The following ERC1 variants were observed in gnomAD, a reference collection of about 807,000 sequenced individuals.
ERC1 encodes RAB6 interacting protein 2.
In ERC1, 56 loss-of-function variants were observed where a neutral mutation model predicts 132.0. The ratio of observed to expected loss-of-function variants is 0.42; its 90% CI spans 0.34 to 0.53. The LOEUF (loss-of-function observed/expected upper bound fraction) is 0.53, where lower values mean the gene tolerates loss of function less well. Ranked by LOEUF, ERC1 falls within the 20% of genes least tolerant of loss-of-function variation. The pLI is 0.03. For synonymous variants in ERC1, 478 were observed against 476.1 expected (o/e 1.00, Z -0.05); for missense variants, 1,202 against 1,349.9 (o/e 0.89, Z 1.72).
Position 1,110,307 on chromosome 12 carries a change from T to A in ERC1, c.1277T>A (p.Met426Lys). 6.2e-7 allele frequency: 1 copy of A among 1,613,406 alleles called. No homozygotes were observed. The highest frequency in any genetic ancestry group is 8.5e-7 in the Non-Finnish European group (1 of 1,179,646). ...GAAAGGGAAGAAGAAATGAAGCAAA[T>A]GGAAGTGTATCGGAGCCATTCTAAA... ...TEEREEEMKQ[M>K]EVYRSHSKFM... Residue 426 changes from methionine to lysine, a missense_variant, in exon 5 of 19, where the codon ATG becomes AAG. Met to Lys is a moderately conservative substitution (Grantham distance 95, BLOSUM62 -1). Transcript: ENST00000360905.
rs150449411 is a variant in ERC1, at chr12:1,493,314, A to C, written c.*3084A>C. The C allele has an allele frequency of 6.2e-3, 1,124 of 180,340 alleles. 8 individuals carry two copies. The highest frequency in any genetic ancestry group is 0.025 in the African/African-American group (1,056 of 42,458). The allele number at this position is 180,340 out of a possible 1,614,324, so 11.2% of individuals were successfully genotyped here. A position where few individuals can be genotyped will look rare whatever the true frequency, so the allele number is the denominator to read the frequency against. ...TCCCAGAACTCTGGAAGGCTGAGGC[A>C]GGCGGATCACCTGAGATCAGGAGTT... On this transcript the variant is annotated 3_prime_UTR_variant, in exon 19 of 19. Coordinates refer to ENST00000360905, the MANE Select transcript of ERC1 (RefSeq NM_178040.4).
Position 1,193,524 on chromosome 12 carries a change from T to G in ERC1, c.2351+3472T>G, listed in dbSNP as rs746141886. ...CACAAGCATACATATATTATGAGAT[T>G]TATACGTATATTTATATATATTAAT... On this transcript the variant is annotated intron_variant, in intron 12 of 18. Coordinates refer to ENST00000360905, the MANE Select transcript of ERC1 (RefSeq NM_178040.4). 4.3e-4 allele frequency among the ~76,000 whole-genome samples: 66 copies of G among 151,876 alleles called. 1 individual carries two copies. The highest frequency in any genetic ancestry group is 9.0e-4 in the Non-Finnish European group (61 of 67,952).
At chr12:1,392,495 T>C (rs759262122) in intron 16 of ERC1, among the ~76,000 whole-genome samples, 1 of 152,220 alleles carries the variant, frequency 6.6e-6, no homozygotes, top group Non-Finnish European at 1.5e-5. Flanking sequence ...CCTCATCCCT[T>C]AGCCCAAGTC....
chr12:1,208,947 C>T (rs755338026), intron 12 of ERC1, among the ~76,000 whole-genome samples: 10 of 145,580 alleles, frequency 6.9e-5, no homozygotes, highest in Non-Finnish European at 1.3e-4. Flanking sequence ...CTTGCCACCA[C>T]GCCCAGCTGA....
At chr12:1,366,738 GC>G (rs2086696474) in intron 15 of ERC1, among the ~76,000 whole-genome samples, 1 of 152,166 alleles carries the variant, frequency 6.6e-6, no homozygotes, top group Non-Finnish European at 1.5e-5. Context: ...GGAGTGACGT[GC>G]ACAGACAAAA....
intron 15 of ERC1, among the ~76,000 whole-genome samples, chr12:1,319,554 TAAAC>T (rs889094418): frequency 6.6e-5 from 10 of 152,226 alleles, no homozygotes; most frequent in Admixed American, 1.3e-4. Context: ...TTCAAGTAAA[TAAAC>T]AACCATTATC....
intron 6 of ERC1, chr12:1,115,653 A>G: frequency 2.2e-6 from 1 of 457,664 alleles, no homozygotes; most frequent in South Asian, 4.1e-5. Context: ...TGAAAACTGG[A>G]CATTTCCCTA....
intron 11 of ERC1, among the ~76,000 whole-genome samples, chr12:1,188,552 T>C (rs1955370310): frequency 1.3e-5 from 2 of 152,218 alleles, no homozygotes; most frequent in South Asian, 4.1e-4. Context: ...TTTTGTTTCT[T>C]AAAATATACT....
chr12:1,298,855 A>G (rs1201600959), intron 15 of ERC1, among the ~76,000 whole-genome samples: 1 of 152,020 alleles, frequency 6.6e-6, no homozygotes, highest in East Asian at 1.9e-4. Context: ...GGAAAAAGGT[A>G]CTTCTTGGAA....
At chr12:1,243,293 C>T (rs1031823852) in intron 13 of ERC1, among the ~76,000 whole-genome samples, 3 of 151,602 alleles carry the variant, frequency 2.0e-5, no homozygotes, top group African/African-American at 7.3e-5. Flanking sequence ...CATTTTATAT[C>T]AGGGACTTGC....
Position 1,136,725 on chromosome 12 carries a change from G to A in ERC1, c.1570-4895G>A, listed in dbSNP as rs139677698. Among the ~76,000 whole-genome samples, 1,043 of 152,142 alleles carry A rather than the reference G, an allele frequency of 6.9e-3. 4 individuals are homozygous for A. The highest frequency in any genetic ancestry group is 0.011 in the Non-Finnish European group (719 of 67,998). On this transcript the variant is annotated intron_variant, in intron 7 of 18. Coordinates refer to ENST00000360905, the MANE Select transcript of ERC1 (RefSeq NM_178040.4). ...TCTTGTCCTTCTTCTGTTACTTTAT[G>A]CCAAGCAATACCAAATGAATTTACA...
chr12:1,263,296 T>A, intron 14 of ERC1, 131 bp downstream of exon 14: 9 of 685,860 alleles, frequency 1.3e-5, no homozygotes, highest in Non-Finnish European at 2.1e-5. Flanking sequence ...AGAGGAGAAG[T>A]CCCAAGGAGT....
At chr12:1,242,563 A>G (rs949760849) in intron 13 of ERC1, among the ~76,000 whole-genome samples, 18 of 152,212 alleles carry the variant, frequency 1.2e-4, no homozygotes, top group African/African-American at 4.3e-4. Context: ...TATTGTATTC[A>G]CCTATAAAAT....
chr12:1,148,857 C>T (rs2154253252), intron 8 of ERC1, among the ~76,000 whole-genome samples: 1 of 152,316 alleles, frequency 6.6e-6, no homozygotes, highest in Non-Finnish European at 1.5e-5. Flanking sequence ...CCGCCTCGGC[C>T]TCCCAAAGTG....
intron 12 of ERC1, among the ~76,000 whole-genome samples, chr12:1,194,414 C>T (rs1475796626): frequency 6.6e-6 from 1 of 152,030 alleles, no homozygotes; most frequent in Non-Finnish European, 1.5e-5. Context: ...GAGCGAGACT[C>T]TGTCTCAAAA....
At chr12:1,168,254 A>G (rs761323583) in intron 8 of ERC1, among the ~76,000 whole-genome samples, 4 of 152,014 alleles carry the variant, frequency 2.6e-5, no homozygotes, top group Non-Finnish European at 5.9e-5. Flanking sequence ...GCAAGGAACT[A>G]AGACTACAGT....
At chr12:1,066,173 T>C (rs1215773322) in intron 2 of ERC1, among the ~76,000 whole-genome samples, 3 of 152,250 alleles carry the variant, frequency 2.0e-5, no homozygotes, top group Non-Finnish European at 1.5e-5. Context: ...TTATATGAAC[T>C]ACACCTCAAT....
intron 15 of ERC1, among the ~76,000 whole-genome samples, chr12:1,320,088 G>A (rs2082011953): frequency 6.6e-6 from 1 of 152,100 alleles, no homozygotes; most frequent in Admixed American, 6.5e-5. Context: ...TATAGATACT[G>A]CATTATTTAT....
At chr12:1,373,196 A>G (rs1014751063) in intron 16 of ERC1, among the ~76,000 whole-genome samples, 2 of 152,264 alleles carry the variant, frequency 1.3e-5, no homozygotes, top group Non-Finnish European at 2.9e-5. Context: ...TATGAAAGAC[A>G]TCCGTCCAGT....
Sources: gnomAD v4.1 joint callset for allele counts (sites outside exome capture counted in the v4.1 genomes callset) on GRCh38, gnomAD v4.1.1 for gene constraint, MANE v1.5 for transcripts, NCBI Gene and HGNC (gene_info 2026-07-23, HGNC 2026-07-21) for gene names.